The following VPS13A variants were observed in gnomAD, a reference collection of about 807,000 sequenced individuals.
The protein encoded by VPS13A is vacuolar protein sorting 13 homolog A, also known as intermembrane lipid transfer protein VPS13A.
Under a neutral mutation model 390.9 loss-of-function variants are expected in VPS13A, and 264 were observed. That is an observed-to-expected ratio of 0.68 (90% CI 0.61 to 0.75). The LOEUF is 0.75. VPS13A is among the 30% of genes least tolerant of loss of function. The pLI is 0.00. For missense variants in VPS13A, 3,409 were observed against 3,733.9 expected, an observed-to-expected ratio of 0.91 and a Z score of 2.27; for synonymous variants, 1,231 against 1,227.1, an observed-to-expected ratio of 1.00 and a Z score of -0.07.
At chr9:77,409,675 G>T (rs1287157384) in intron 71 of VPS13A, among the ~76,000 whole-genome samples, 1 of 151,114 alleles carries the variant, frequency 6.6e-6, no homozygotes, top group Admixed American at 6.6e-5. Context: ...TAACTGATGC[G>T]ATCAACTGGA....
At chr9:77,329,706 G>A (rs1212143925) in intron 45 of VPS13A, among the ~76,000 whole-genome samples, 1 of 152,130 alleles carries the variant, frequency 6.6e-6, no homozygotes, top group Non-Finnish European at 1.5e-5. Context: ...TTGATGCAGG[G>A]TTGCCACAAA....
Position 77,238,065 on chromosome 9 carries a change from C to T in VPS13A, c.1659C>T (p.Arg553=). Residue 553 remains arginine (R), a synonymous_variant, in exon 18 of 72, where the codon CGC becomes CGT. Coordinates refer to ENST00000360280, the MANE Select transcript of VPS13A (RefSeq NM_033305.3). ...TACCAGATAATTCAGAAAAACCCCG[C>T]CTCCTGTCTTCATTGGATGATGCAA... ...TGLPDNSEKP[R]LLSSLDDAMS... is the part of the protein sequence containing the mutation. 1.2e-6 allele frequency: 2 copies of T among 1,613,384 alleles called. No homozygotes were observed. Among genetic ancestry groups the T allele is most frequent in the South Asian group, 1.1e-5 (1 of 91,028 alleles).
At chr9:77,278,584 C>T (rs1379321974) in intron 26 of VPS13A, among the ~76,000 whole-genome samples, 1 of 152,058 alleles carries the variant, frequency 6.6e-6, no homozygotes, top group African/African-American at 2.4e-5. Context: ...AATGTGTAAA[C>T]AAAGTGGGAA....
At chr9:77,206,304 T>A (rs1191666745) in intron 5 of VPS13A, among the ~76,000 whole-genome samples, 2 of 147,868 alleles carry the variant, frequency 1.4e-5, no homozygotes, top group African/African-American at 5.0e-5. Context: ...TCTAGCTTAT[T>A]ATTATTATTA....
intron 45 of VPS13A, among the ~76,000 whole-genome samples, chr9:77,326,389 G>C (rs891358513): frequency 3.9e-5 from 6 of 151,916 alleles, no homozygotes; most frequent in African/African-American, 1.5e-4. Context: ...TTAGATATAC[G>C]TTAGGGTGTT....
At chr9:77,303,553 C>T (rs2131395830) in intron 34 of VPS13A, among the ~76,000 whole-genome samples, 1 of 152,250 alleles carries the variant, frequency 6.6e-6, no homozygotes, top group South Asian at 2.1e-4. Flanking sequence ...CAGCACTCAG[C>T]ACACCAAGGA....
intron 68 of VPS13A, among the ~76,000 whole-genome samples, chr9:77,402,427 T>G (rs929909819): frequency 1.3e-5 from 2 of 152,204 alleles, no homozygotes; most frequent in Non-Finnish European, 2.9e-5. Context: ...TTATGATTTT[T>G]CACATTTGGC....
intron 41 of VPS13A, among the ~76,000 whole-genome samples, chr9:77,318,946 C>T (rs1015872127): frequency 5.9e-5 from 9 of 151,924 alleles, no homozygotes; most frequent in African/African-American, 2.2e-4. Flanking sequence ...AATCCCAGCA[C>T]GTTGGGAGGC....
chr9:77,239,507 T>TTTTTA (rs143517000), intron 19 of VPS13A, among the ~76,000 whole-genome samples: 5 of 152,164 alleles, frequency 3.3e-5, no homozygotes, highest in African/African-American at 9.6e-5. Flanking sequence ...CCTTTGTACT[T>TTTTTA]TTTTATTTTA....
At chr9:77,349,747 G>A (rs980334162) in intron 52 of VPS13A, among the ~76,000 whole-genome samples, 88 of 152,116 alleles carry the variant, frequency 5.8e-4, no homozygotes, top group Non-Finnish European at 9.7e-4. Flanking sequence ...AGGTTCAAGC[G>A]ATTCTACTGC....
chr9:77,199,608 A>G (rs1237387310), intron 1 of VPS13A, among the ~76,000 whole-genome samples: 6 of 152,202 alleles, frequency 3.9e-5, no homozygotes, highest in Admixed American at 3.3e-4. Flanking sequence ...TATTGCAAGT[A>G]TATTTAAATG....
At position 77,279,925 on chromosome 9, in the gene VPS13A, G is replaced by A. The variant is rs539449764; in HGVS notation, c.2825-234G>A. 3.6e-5 allele frequency: 13 copies of A among 359,154 alleles called. No homozygotes were observed. The East Asian group carries it at 7.7e-4, about 21-fold the overall frequency. The allele number at this position is 359,154 out of a possible 1,614,324, so 22.2% of individuals were successfully genotyped here. A position where few individuals can be genotyped will look rare whatever the true frequency, so the allele number is the denominator to read the frequency against. ...CCTTACCTCCTATCTAGGTTTAGAAGGGTATGAGACTTCAGTGTTGTGGCA... is the reference window on the plus strand; with the variant it reads ...CCTTACCTCCTATCTAGGTTTAGAAAGGTATGAGACTTCAGTGTTGTGGCA... On this transcript the variant is annotated intron_variant, in intron 26 of 71. Coordinates refer to ENST00000360280, the MANE Select transcript of VPS13A (RefSeq NM_033305.3).
chr9:77,244,200 C>T (rs956710447), intron 19 of VPS13A, among the ~76,000 whole-genome samples: 8 of 152,154 alleles, frequency 5.3e-5, no homozygotes, highest in African/African-American at 9.7e-5. Context: ...ATAGCAACTC[C>T]TACATTCCAG....
In VPS13A at chr9:77,356,792, A is replaced by G. The variant is rs1338441233; in HGVS notation, c.7731A>G (p.Leu2577=). ...KPMSVKHTEK[L]EREFKEYTES... is the part of the protein sequence containing the mutation. ...TGAGTGTAAAGCACACTGAGAAGTT[A>G]GAGAGAGAATTTAAGGAATATACTG... Residue 2577 remains leucine, a synonymous_variant, in exon 55 of 72, where the codon TTA becomes TTG. Transcript: ENST00000360280. 1.9e-6 allele frequency: 3 copies of G among 1,613,752 alleles called. No individual in the cohort carries two copies. Among genetic ancestry groups the G allele is most frequent in the African/African-American group, 2.7e-5 (2 of 74,938 alleles).
intron 67 of VPS13A, among the ~76,000 whole-genome samples, chr9:77,377,783 A>G (rs971965419): frequency 6.6e-6 from 1 of 152,198 alleles, no homozygotes; most frequent in Non-Finnish European, 1.5e-5. Context: ...GAGAATAGAC[A>G]TGCCTATATT....
rs79547521 is a variant in VPS13A, at chr9:77,216,019, G to A, written c.754+1633G>A. Among the ~76,000 whole-genome samples, 1,199 of 152,274 alleles carry A rather than the reference G, an allele frequency of 7.9e-3. 18 individuals carry two copies. The highest frequency in any genetic ancestry group is 0.027 in the African/African-American group (1,138 of 41,554). ...GGAACCAGACACTGCAGAAGCTACC[G>A]GTTCTGTAGGAGCTGGGTGTGGGAG... On this transcript the variant is annotated intron_variant, in intron 10 of 71. Coordinates refer to ENST00000360280, the MANE Select transcript of VPS13A (RefSeq NM_033305.3).
rs1340020469 is a variant in VPS13A, at chr9:77,389,993, A to G, written c.9189+7906A>G. 8.9e-6 allele frequency: 6 copies of G among 675,844 alleles called. No homozygotes were observed. The Admixed American group carries it at 3.1e-4, about 35-fold the overall frequency. 41.9% of individuals were successfully genotyped at this position (675,844 alleles called of 1,614,324 possible). A position where few individuals can be genotyped will look rare whatever the true frequency, so the allele number is the denominator to read the frequency against. Reference sequence around the variant, plus strand: ...AATTAGCTTCAAACACTGCCTTAATAGCAATTGGAAGATAACTGCCGTCAG... The same window carrying G: ...AATTAGCTTCAAACACTGCCTTAATGGCAATTGGAAGATAACTGCCGTCAG... On this transcript the variant is annotated intron_variant, in intron 68 of 71. Coordinates refer to ENST00000360280, the MANE Select transcript of VPS13A (RefSeq NM_033305.3).
chr9:77,366,922 T>C (rs201015720), intron 61 of VPS13A, 50 bp downstream of exon 61: 15 of 1,584,192 alleles, frequency 9.5e-6, no homozygotes, highest in Admixed American at 1.7e-5. Flanking sequence ...TTCTATTTTA[T>C]ATGTCCCTAA....
intron 31 of VPS13A, among the ~76,000 whole-genome samples, chr9:77,287,096 A>G (rs1416171363): frequency 2.0e-5 from 3 of 149,688 alleles, no homozygotes; most frequent in African/African-American, 4.9e-5. Flanking sequence ...CAGTATTTAT[A>G]TAATTATATA....
Sources: gnomAD v4.1 joint callset for allele counts (sites outside exome capture counted in the v4.1 genomes callset) on GRCh38, gnomAD v4.1.1 for gene constraint, MANE v1.5 for transcripts, NCBI Gene and HGNC (gene_info 2026-07-23, HGNC 2026-07-21) for gene names.